ARHGAP26: variants seen among roughly 807,000 people sequenced by gnomAD.
The protein encoded by ARHGAP26 is rho GTPase-activating protein 26.
In ARHGAP26, 38 loss-of-function variants were observed where a neutral mutation model predicts 104.8. The ratio of observed to expected loss-of-function variants is 0.36; its 90% CI spans 0.28 to 0.48. The LOEUF is 0.48. ARHGAP26 is among the 20% of genes least tolerant of loss of function. The probability of loss-of-function intolerance (pLI) is 0.99; values close to 1 mark genes in which losing one functional copy is unlikely to be tolerated. For synonymous variants in ARHGAP26, 341 were observed against 340.0 expected, an observed-to-expected ratio of 1.00 and a Z score of -0.03; for missense variants, 704 against 947.9, an observed-to-expected ratio of 0.74 and a Z score of 3.38.
intron 20 of ARHGAP26, among the ~76,000 whole-genome samples, chr5:143,153,026 G>A (rs369190074): frequency 5.9e-5 from 9 of 152,290 alleles, no homozygotes; most frequent in South Asian, 2.1e-4. Flanking sequence ...TTGTGACCGC[G>A]GAGTCATGGG....
At chr5:143,168,467 T>TTTTTTTTTTTTTTA (rs1802338614) in intron 20 of ARHGAP26, 1 of 140,962 alleles carries the variant, frequency 7.1e-6, no homozygotes, top group Non-Finnish European at 1.6e-5. Context: ...TTTTTTTTTT[T>TTTTTTTTTTTTTTA]TTTTTTTTTG....
At chr5:143,178,096 C>A (rs532074307) in intron 20 of ARHGAP26, among the ~76,000 whole-genome samples, 1 of 147,542 alleles carries the variant, frequency 6.8e-6, no homozygotes, top group Non-Finnish European at 1.5e-5. Flanking sequence ...GCTTCCCAGG[C>A]TCAAATGATT....
intron 20 of ARHGAP26, chr5:143,169,607 C>G (rs1206722449): frequency 6.6e-6 from 1 of 152,238 alleles, no homozygotes; most frequent in Non-Finnish European, 1.5e-5. Context: ...TGAGTCCCAT[C>G]CCCATCCCTT....
chr5:142,951,883 A>G (rs1298815067), intron 11 of ARHGAP26, among the ~76,000 whole-genome samples: 1 of 152,170 alleles, frequency 6.6e-6, no homozygotes, highest in Non-Finnish European at 1.5e-5. Flanking sequence ...GGTTACAATA[A>G]CAGAAATGTA....
chr5:142,878,541 G>T (rs941206107), intron 3 of ARHGAP26, among the ~76,000 whole-genome samples: 1 of 116,958 alleles, frequency 8.6e-6, no homozygotes, highest in Non-Finnish European at 1.6e-5. Flanking sequence ...GTGTGTGCAC[G>T]CATGTGTGTG....
Position 143,134,013 on chromosome 5 carries a change from A to C in ARHGAP26, c.1745A>C (p.His582Pro). ...ATGCCTCTCACCAATGCCCAGCTGCACCTGTCTCGGAAGAAGAGCAGTGAC... is the reference window on the plus strand; with the variant it reads ...ATGCCTCTCACCAATGCCCAGCTGCCCCTGTCTCGGAAGAAGAGCAGTGAC... ...PDMPLTNAQL[H>P]LSRKKSSDSK... is the part of the protein sequence containing the mutation. The change falls in exon 19 of 23, where the codon CAC (histidine) becomes CCC (proline). Residue 582 changes from histidine (H) to proline (P), a missense_variant. By Grantham distance (77) the His-to-Pro change is moderately conservative (BLOSUM62 -2). Transcript: ENST00000645722. 1 of 1,612,512 alleles carries C rather than the reference A, an allele frequency of 6.2e-7. No individual in the cohort carries two copies. The highest frequency in any genetic ancestry group is 8.5e-7 in the Non-Finnish European group (1 of 1,179,318).
At chr5:142,853,604 A>G (rs1751896502) in intron 1 of ARHGAP26, among the ~76,000 whole-genome samples, 1 of 152,176 alleles carries the variant, frequency 6.6e-6, no homozygotes, top group Non-Finnish European at 1.5e-5. Flanking sequence ...AATAGTATCT[A>G]CCTTGTAGGG....
intron 13 of ARHGAP26, among the ~76,000 whole-genome samples, chr5:143,039,499 G>T (rs909289825): frequency 1.3e-5 from 2 of 151,768 alleles, no homozygotes; most frequent in African/African-American, 4.8e-5. Flanking sequence ...GAGCCACTGT[G>T]CACGGTCTAA....
At chr5:142,772,952 A>G (rs1412088766) in intron 1 of ARHGAP26, 7 of 528,526 alleles carry the variant, frequency 1.3e-5, no homozygotes, top group African/African-American at 3.9e-5. Flanking sequence ...GTGTTATTTA[A>G]GCTGTCTAAT....
intron 11 of ARHGAP26, among the ~76,000 whole-genome samples, chr5:142,936,177 A>G (rs1426128613): frequency 6.6e-6 from 1 of 151,576 alleles, no homozygotes; most frequent in African/African-American, 2.4e-5. Context: ...GAGTTCAGCA[A>G]GGTCACAGGA....
chr5:143,022,650 G>A (rs984649396), intron 12 of ARHGAP26, among the ~76,000 whole-genome samples: 1 of 152,140 alleles, frequency 6.6e-6, no homozygotes, highest in African/African-American at 2.4e-5. Flanking sequence ...TAAATGGGAT[G>A]GCATGAGGTT....
At chr5:143,166,204 T>C in intron 20 of ARHGAP26, 1 of 783,520 alleles carries the variant, frequency 1.3e-6, no homozygotes, top group Non-Finnish European at 1.7e-6. Flanking sequence ...TAGCTGGCAG[T>C]GAACACAAAA....
intron 5 of ARHGAP26, among the ~76,000 whole-genome samples, chr5:142,890,151 A>AATATATATATATAT (rs752591382): frequency 3.7e-4 from 12 of 32,428 alleles, no homozygotes; most frequent in Admixed American, 4.9e-4. Context: ...AAAAAAAAAA[A>AATATATATATATAT]ATATATATAT....
chr5:142,789,966 G>A (rs549878568), intron 1 of ARHGAP26, among the ~76,000 whole-genome samples: 29 of 152,306 alleles, frequency 1.9e-4, no homozygotes, highest in Non-Finnish European at 3.8e-4. Context: ...TAGAACTGGG[G>A]ACTGGTAGAA....
rs148968448 is a variant in ARHGAP26 at position 142,940,540 on chromosome 5, A to T, written c.1107+8415A>T. On this transcript the variant is annotated intron_variant, in intron 11 of 22. Coordinates refer to ENST00000645722, the MANE Select transcript of ARHGAP26 (RefSeq NM_001135608.3). ...CATTTAGCTCCCACTTATAAGTGAGAATATGGGATATCTGGTTTTCTGTTC... is the reference window on the plus strand; with the variant it reads ...CATTTAGCTCCCACTTATAAGTGAGTATATGGGATATCTGGTTTTCTGTTC... Among the ~76,000 whole-genome samples, 254 of 152,286 alleles carry T rather than the reference A, an allele frequency of 1.7e-3. 4 individuals are homozygous for T. In the East Asian group the frequency reaches 0.041, roughly 25 times the overall value.
At chr5:143,186,200 A>G (rs1599418501) in intron 20 of ARHGAP26, among the ~76,000 whole-genome samples, 1 of 152,210 alleles carries the variant, frequency 6.6e-6, no homozygotes, top group East Asian at 1.9e-4. Flanking sequence ...ATCACCTTGT[A>G]GAGTATTATA....
intron 11 of ARHGAP26, among the ~76,000 whole-genome samples, chr5:142,981,733 C>T (rs1375130618): frequency 2.0e-5 from 3 of 152,194 alleles, no homozygotes; most frequent in Non-Finnish European, 2.9e-5. Context: ...TCTCCCTCTT[C>T]ACTTCTCCAG....
chr5:143,145,988 C>G (rs1346352997), intron 19 of ARHGAP26, among the ~76,000 whole-genome samples: 1 of 152,126 alleles, frequency 6.6e-6, no homozygotes, highest in Admixed American at 6.5e-5. Flanking sequence ...GACCTGAGTT[C>G]AAATATTGGC....
rs1018457530 is a variant in ARHGAP26, at chr5:142,771,489, A to G, written c.154+574A>G. 11 of 1,074,288 alleles carry G rather than the reference A, an allele frequency of 1.0e-5. No individual in the cohort carries two copies. The African/African-American group carries it at 1.3e-4, about 13-fold the overall frequency. 66.5% of individuals were successfully genotyped at this position (1,074,288 alleles called of 1,614,324 possible). ...ATTCCTTGGAGTATTGGCAGCCAGT[A>G]ATCTCTAAATCTGGAATCAGTACGT... On this transcript the variant is annotated intron_variant, in intron 1 of 22. Transcript: ENST00000645722.
Sources: allele counts gnomAD v4.1 joint callset (sites outside exome capture counted in the v4.1 genomes callset), GRCh38; gene constraint gnomAD v4.1.1; transcripts MANE v1.5; gene names NCBI Gene and HGNC (gene_info 2026-07-23, HGNC 2026-07-21).